GABRG3: variants seen among roughly 807,000 people sequenced by gnomAD.
GABRG3 encodes the protein gamma-aminobutyric acid type A receptor subunit gamma3, also known as gamma-aminobutyric acid receptor subunit gamma-3.
A neutral mutation model predicts 48.8 loss-of-function variants in GABRG3; 25 were observed. That is an observed-to-expected ratio of 0.51 (90% confidence interval 0.37 to 0.72). GABRG3 has a LOEUF of 0.72. Among genes scored for constraint, GABRG3 ranks in the 30% least tolerant of loss-of-function variants. The probability of loss-of-function intolerance (pLI) is 0.00; values close to 1 mark genes in which losing one functional copy is unlikely to be tolerated. For missense variants in GABRG3, 394 were observed against 577.9 expected (o/e 0.68, Z 3.26); for synonymous variants, 227 against 217.6 (o/e 1.04, Z -0.38).
At chr15:27,358,414 A>G (rs1299578110) in intron 5 of GABRG3, among the ~76,000 whole-genome samples, 3 of 152,208 alleles carry the variant, frequency 2.0e-5, no homozygotes, top group South Asian at 2.1e-4. Flanking sequence ...CTCCTTCCCA[A>G]CTCTAAGAAA....
intron 5 of GABRG3, among the ~76,000 whole-genome samples, chr15:27,462,288 C>T (rs1889475422): frequency 6.6e-6 from 1 of 152,180 alleles, no homozygotes; most frequent in Non-Finnish European, 1.5e-5. Context: ...CCCAGGAGAG[C>T]AGGGACCTTG....
chr15:27,308,384 TATATAAACATATA>T (rs1226719655), intron 3 of GABRG3, among the ~76,000 whole-genome samples: 2 of 145,004 alleles, frequency 1.4e-5, no homozygotes, highest in Non-Finnish European at 3.0e-5. Flanking sequence ...CATTTGTTTA[TATATAAACATATA>T]ATATAAACAT....
chr15:26,999,567 G>A (rs991034571), intron 2 of GABRG3, among the ~76,000 whole-genome samples: 7 of 152,068 alleles, frequency 4.6e-5, no homozygotes, highest in South Asian at 2.1e-4. Context: ...TGATTATAAT[G>A]TGCCTTAGGG....
At chr15:27,145,637 C>CTATA (rs2140392857) in intron 3 of GABRG3, among the ~76,000 whole-genome samples, 1 of 142,880 alleles carries the variant, frequency 7.0e-6, no homozygotes, top group Admixed American at 7.0e-5. Flanking sequence ...ATCTATCTAT[C>CTATA]TATCTATCTA....
At chr15:27,304,597 C>T (rs998203575) in intron 3 of GABRG3, among the ~76,000 whole-genome samples, 1 of 151,858 alleles carries the variant, frequency 6.6e-6, no homozygotes, top group Non-Finnish European at 1.5e-5. Flanking sequence ...CACATTCCCC[C>T]ATCCATGACT....
In GABRG3 at chr15:27,470,389, A is replaced by AT. The variant is rs970370146; in HGVS notation, c.575-10251dup. On this transcript the variant is annotated intron_variant, in intron 5 of 9. Transcript: ENST00000615808. The stretch of plus-strand genomic sequence containing the variant: ...CAGGTGCACGCCGCCATGCCCAGCT[A>AT]TTTTTTTTTTAAATTTGTATTTTAG... Among the ~76,000 whole-genome samples, 13 of 147,568 alleles carry AT rather than the reference A, an allele frequency of 8.8e-5. No homozygotes were observed. In the East Asian group the frequency reaches 1.6e-3, roughly 18 times the overall value.
At chr15:27,191,853 G>A (rs990231497) in intron 3 of GABRG3, among the ~76,000 whole-genome samples, 4 of 152,158 alleles carry the variant, frequency 2.6e-5, no homozygotes, top group African/African-American at 9.7e-5. Flanking sequence ...TGATTTTGCA[G>A]TGGCTGGTAC....
At chr15:27,329,799 A>C (rs1268973577) in intron 5 of GABRG3, among the ~76,000 whole-genome samples, 1 of 152,262 alleles carries the variant, frequency 6.6e-6, no homozygotes, top group East Asian at 1.9e-4. Flanking sequence ...AATATCAAAT[A>C]TCAAATCTAT....
chr15:27,414,304 T>C (rs1166680000), intron 5 of GABRG3, among the ~76,000 whole-genome samples: 1 of 152,192 alleles, frequency 6.6e-6, no homozygotes, highest in Admixed American at 6.5e-5. Context: ...CACCTGCCTC[T>C]TTCTTCCGTG....
intron 3 of GABRG3, among the ~76,000 whole-genome samples, chr15:27,302,068 A>T (rs1423088996): frequency 2.0e-5 from 3 of 152,156 alleles, no homozygotes; most frequent in Admixed American, 6.6e-5. Flanking sequence ...AGAAAGAATG[A>T]TACCAGAAGG....
At chr15:26,996,263 A>G (rs1471900502) in intron 2 of GABRG3, among the ~76,000 whole-genome samples, 3 of 152,142 alleles carry the variant, frequency 2.0e-5, no homozygotes, top group African/African-American at 7.2e-5. Flanking sequence ...TTCAGCATAA[A>G]GAACTTCCTT....
At chr15:27,011,554 T>C (rs1895686883) in intron 2 of GABRG3, among the ~76,000 whole-genome samples, 1 of 152,172 alleles carries the variant, frequency 6.6e-6, no homozygotes, top group South Asian at 2.1e-4. Flanking sequence ...ACTACTTAGA[T>C]CTACAATTCT....
At chr15:27,380,928 G>A (rs1000452334) in intron 5 of GABRG3, among the ~76,000 whole-genome samples, 40 of 151,986 alleles carry the variant, frequency 2.6e-4, no homozygotes, top group African/African-American at 8.7e-4. Context: ...ACCATGCCCA[G>A]CTAATTTTTT....
In GABRG3 at chr15:27,174,572, CCTCTCTCTCTCGTCT is replaced by C. The variant is rs1298887733; in HGVS notation, c.270+147763_270+147777del. ...TATCTCCAGTGTGGACCAGTGACTG[CCTCTCTCTCTCGTCT>C]CTCTCTCTCTCTCTCTCTCTCTCTC... On this transcript the variant is annotated intron_variant, in intron 3 of 9. Transcript: ENST00000615808. Among the ~76,000 whole-genome samples the C allele has an allele frequency of 7.0e-5, 10 of 143,150 alleles. No homozygotes were observed. The South Asian group carries it at 2.2e-3, about 32-fold the overall frequency. The allele number at this position is 143,150 out of a possible 152,430, so 93.9% of individuals were successfully genotyped here. A position where few individuals can be genotyped will look rare whatever the true frequency, so the allele number is the denominator to read the frequency against.
chr15:27,068,521 G>T (rs1013148733), intron 3 of GABRG3, among the ~76,000 whole-genome samples: 2 of 152,250 alleles, frequency 1.3e-5, no homozygotes, highest in Non-Finnish European at 2.9e-5. Flanking sequence ...GAAACTTTTG[G>T]CAATGTTTCT....
chr15:27,501,290 A>G (rs982919054), intron 6 of GABRG3, among the ~76,000 whole-genome samples: 3 of 152,140 alleles, frequency 2.0e-5, no homozygotes, highest in Non-Finnish European at 4.4e-5. Flanking sequence ...TGGGTGGTAG[A>G]AGCAGATTAA....
At chr15:27,275,533 T>C (rs1354992570) in intron 3 of GABRG3, among the ~76,000 whole-genome samples, 1 of 152,126 alleles carries the variant, frequency 6.6e-6, no homozygotes, top group African/African-American at 2.4e-5. Flanking sequence ...CCAGGAAAGT[T>C]CATCCCCCTC....
intron 5 of GABRG3, among the ~76,000 whole-genome samples, chr15:27,437,897 A>G (rs909818202): frequency 6.6e-6 from 1 of 152,158 alleles, no homozygotes; most frequent in East Asian, 1.9e-4. Flanking sequence ...TGAGAAAAGA[A>G]GCAAGAGAGA....
At chr15:27,217,253 A>T (rs1889291101) in intron 3 of GABRG3, among the ~76,000 whole-genome samples, 1 of 152,180 alleles carries the variant, frequency 6.6e-6, no homozygotes, top group South Asian at 2.1e-4. Flanking sequence ...CACAATAGCA[A>T]AGACTTGGAA....
Sources: gnomAD v4.1 joint callset for allele counts (sites outside exome capture counted in the v4.1 genomes callset) on GRCh38, gnomAD v4.1.1 for gene constraint, MANE v1.5 for transcripts, NCBI Gene and HGNC (gene_info 2026-07-23, HGNC 2026-07-21) for gene names.